LIPJ: variants seen among roughly 807,000 people sequenced by gnomAD.
The protein encoded by LIPJ is lipase member J.
In LIPJ, 33 loss-of-function variants were observed where a neutral mutation model predicts 39.8. That is an observed-to-expected ratio of 0.83 (90% CI 0.63 to 1.11). The LOEUF is 1.11. Ranked by LOEUF, LIPJ falls within the 50% of genes least tolerant of loss-of-function variation. The probability of loss-of-function intolerance (pLI) is 0.00; values close to 1 mark genes in which losing one functional copy is unlikely to be tolerated. For synonymous variants in LIPJ, 128 were observed against 139.2 expected (o/e 0.92, Z 0.57); for missense variants, 422 against 427.9 (o/e 0.99, Z 0.12).
intron 6 of LIPJ, 63 bp downstream of exon 6, chr10:88,594,839 T>A (rs1205791962): frequency 4.1e-6 from 3 of 736,242 alleles, no homozygotes; most frequent in Non-Finnish European, 6.5e-6. Flanking sequence ...TGCATATACT[T>A]CTTAAAGTTG....
intron 2 of LIPJ, among the ~76,000 whole-genome samples, chr10:88,589,649 T>C (rs1439717716): frequency 6.6e-6 from 1 of 151,776 alleles, no homozygotes; most frequent in East Asian, 1.9e-4. Flanking sequence ...GACTAATAAA[T>C]ATGTAAGAAA....
chr10:88,583,255 G>T (rs1056289352), upstream of LIPJ: 7 of 1,593,972 alleles, frequency 4.4e-6, no homozygotes, highest in African/African-American at 4.0e-5. Flanking sequence ...GGGCTTTCTG[G>T]AAAGGCGGCC....
intron 6 of LIPJ, among the ~76,000 whole-genome samples, chr10:88,595,138 G>C (rs1851211945): frequency 2.6e-5 from 4 of 151,738 alleles, no homozygotes; most frequent in Admixed American, 2.6e-4. Context: ...GATATTATGA[G>C]TGGAAAAGAT....
At chr10:88,593,736 C>T (rs1311614884) in intron 4 of LIPJ, 10 of 427,756 alleles carry the variant, frequency 2.3e-5, no homozygotes, top group Non-Finnish European at 4.2e-6. Context: ...CCTAATTGCT[C>T]ACTTGGTTAT....
the LIPJ span, among the ~76,000 whole-genome samples, chr10:88,615,627 C>CAAAAAA: frequency 8.3e-5 from 2 of 24,238 alleles, no homozygotes; most frequent in African/African-American, 1.4e-4. Flanking sequence ...GACTCCACCT[C>CAAAAAA]AAAAAAAAAA....
the LIPJ span, among the ~76,000 whole-genome samples, chr10:88,621,070 T>C: frequency 6.6e-6 from 1 of 152,174 alleles, no homozygotes; most frequent in African/African-American, 2.4e-5. Flanking sequence ...GTCCAAATAG[T>C]GTCACATGGA....
chr10:88,585,566 C>T (rs1806708605), upstream of LIPJ: 1 of 151,752 alleles, frequency 6.6e-6, no homozygotes, highest in African/African-American at 2.4e-5. Flanking sequence ...CCACTGTGAA[C>T]GTTTAACATT....
At chr10:88,590,757 T>C in intron 3 of LIPJ, 61 bp downstream of exon 3, 1 of 1,371,670 alleles carries the variant, frequency 7.3e-7, no homozygotes, top group South Asian at 1.2e-5. Flanking sequence ...CTTTTCAAAT[T>C]TGGAATTTTA....
At chr10:88,622,472 C>T in the LIPJ span, among the ~76,000 whole-genome samples, 1 of 152,178 alleles carries the variant, frequency 6.6e-6, no homozygotes, top group Admixed American at 6.6e-5. Flanking sequence ...ATCTGGAGAG[C>T]TTGATAAACA....
the LIPJ span, among the ~76,000 whole-genome samples, chr10:88,617,335 A>C: frequency 6.6e-6 from 1 of 152,204 alleles, no homozygotes; most frequent in Non-Finnish European, 1.5e-5. Flanking sequence ...AGCTTTAAAA[A>C]TTCTTTAAAA....
intron 9 of LIPJ, 74 bp downstream of exon 9, chr10:88,602,721 C>A: frequency 1.3e-6 from 1 of 799,726 alleles, no homozygotes; most frequent in Non-Finnish European, 2.0e-6. Context: ...TTCTAGGGAT[C>A]ATACCATGGC....
chr10:88,599,949 C>G (rs1214428457), intron 8 of LIPJ, among the ~76,000 whole-genome samples: 1 of 151,358 alleles, frequency 6.6e-6, no homozygotes, highest in African/African-American at 2.4e-5. Flanking sequence ...TTTTGTTTGT[C>G]CTATCTGGTA....
In LIPJ at chr10:88,600,509, T is replaced by C. The variant is rs191140362; in HGVS notation, c.724-2067T>C. Among the ~76,000 whole-genome samples the C allele has an allele frequency of 2.6e-4, 39 of 152,346 alleles. No homozygotes were observed. In the East Asian group the frequency reaches 7.5e-3, roughly 29 times the overall value. On this transcript the variant is annotated intron_variant, in intron 8 of 10. Transcript: ENST00000371939. Reference sequence around the variant, plus strand: ...TAAAATATTCTACCTTCATGACCATTTTAAACTTTAAAAAATATTTTATTT... The same window carrying C: ...TAAAATATTCTACCTTCATGACCATCTTAAACTTTAAAAAATATTTTATTT...
the LIPJ span, among the ~76,000 whole-genome samples, chr10:88,614,875 A>G: frequency 2.0e-5 from 3 of 152,312 alleles, no homozygotes; most frequent in African/African-American, 7.2e-5. Flanking sequence ...TAGAGAGTCT[A>G]GAAGCAGAGT....
the LIPJ span, among the ~76,000 whole-genome samples, chr10:88,616,669 C>A: frequency 6.6e-6 from 1 of 152,224 alleles, no homozygotes; most frequent in Non-Finnish European, 1.5e-5. Context: ...TCTGACGGAG[C>A]ACTACAGCAT....
intron 8 of LIPJ, among the ~76,000 whole-genome samples, chr10:88,597,535 G>A (rs1851298791): frequency 1.3e-5 from 2 of 151,946 alleles, no homozygotes; most frequent in South Asian, 4.1e-4. Context: ...AAGCAAATGT[G>A]CCATTTGGAC....
At chr10:88,590,470 T>C in intron 2 of LIPJ, 115 bp from the exon 3 acceptor site, 1 of 430,710 alleles carries the variant, frequency 2.3e-6, no homozygotes, top group Non-Finnish European at 4.2e-6. Flanking sequence ...AAGCCTCTGT[T>C]TTCTTACCTG....
At chr10:88,590,801 A>G (rs1851053168) in intron 3 of LIPJ, 105 bp downstream of exon 3, 1 of 760,352 alleles carries the variant, frequency 1.3e-6, no homozygotes, top group Non-Finnish European at 2.2e-6. Flanking sequence ...GTATACATCT[A>G]TATGTTAATA....
chr10:88,611,391 A>G (rs1316075902), downstream of LIPJ, among the ~76,000 whole-genome samples: 1 of 152,260 alleles, frequency 6.6e-6, no homozygotes, highest in Non-Finnish European at 1.5e-5. Context: ...CCAGCTCACC[A>G]GCAATGGATC....
Sources: gnomAD v4.1 joint callset for allele counts (sites outside exome capture counted in the v4.1 genomes callset) on GRCh38, gnomAD v4.1.1 for gene constraint, MANE v1.5 for transcripts, NCBI Gene and HGNC (gene_info 2026-07-23, HGNC 2026-07-21) for gene names.